PRUNE2: variants seen among roughly 807,000 people sequenced by gnomAD.
PRUNE2 encodes the protein prune homolog 2 with BCH domain, also known as protein prune homolog 2.
In PRUNE2, 164 loss-of-function variants were observed where a neutral mutation model predicts 252.0. The observed-to-expected ratio is 0.65, with a 90% CI of 0.57 to 0.74. The LOEUF is 0.74. PRUNE2 is among the 30% of genes least tolerant of loss of function. PRUNE2 has a pLI of 0.00. For synonymous variants in PRUNE2, 1,292 were observed against 1,350.2 expected (o/e 0.96, Z 0.94); for missense variants, 3,495 against 3,711.0 (o/e 0.94, Z 1.51).
At chr9:76,726,431 T>G (rs1342120041) in intron 6 of PRUNE2, among the ~76,000 whole-genome samples, 1 of 152,154 alleles carries the variant, frequency 6.6e-6, no homozygotes, top group Non-Finnish European at 1.5e-5. Flanking sequence ...ACATGCACAC[T>G]CATCAGATAC....
At chr9:76,623,298 A>AT (rs756782306) in intron 17 of PRUNE2, among the ~76,000 whole-genome samples, 9,158 of 144,074 alleles carry the variant, frequency 0.064, 803 homozygotes, top group African/African-American at 0.2. Context: ...GAATGACTGG[A>AT]TTTTTTTTTT....
chr9:76,797,804 G>A (rs1200500233), intron 6 of PRUNE2, among the ~76,000 whole-genome samples: 1 of 151,974 alleles, frequency 6.6e-6, no homozygotes, highest in East Asian at 1.9e-4. Flanking sequence ...GTATCCATCC[G>A]GTGTTTTAAA....
At chr9:76,824,289 G>C (rs948301222) in intron 5 of PRUNE2, among the ~76,000 whole-genome samples, 1 of 152,196 alleles carries the variant, frequency 6.6e-6, no homozygotes, top group Non-Finnish European at 1.5e-5. Context: ...GAATAAAAGG[G>C]TGGCGGTGGA....
intron 6 of PRUNE2, chr9:76,785,019 C>T (rs1589221947): frequency 1.3e-5 from 2 of 152,198 alleles, no homozygotes; most frequent in East Asian, 3.9e-4. Flanking sequence ...TTATCCCTCC[C>T]CTTTGTTTGA....
intron 1 of PRUNE2, among the ~76,000 whole-genome samples, chr9:76,869,895 A>C (rs569074953): frequency 6.6e-6 from 1 of 152,176 alleles, no homozygotes; most frequent in Non-Finnish European, 1.5e-5. Flanking sequence ...GAGCCCCTCA[A>C]TTGGAAAATT....
At chr9:76,661,080 T>G (rs1236708012) in intron 9 of PRUNE2, among the ~76,000 whole-genome samples, 1 of 152,174 alleles carries the variant, frequency 6.6e-6, no homozygotes. Flanking sequence ...GTTAAACCAC[T>G]GAGATTTGGG....
At chr9:76,684,300 G>T (rs2043828604) in intron 9 of PRUNE2, among the ~76,000 whole-genome samples, 1 of 152,048 alleles carries the variant, frequency 6.6e-6, no homozygotes, top group South Asian at 2.1e-4. Context: ...CGAGTCTGAG[G>T]CTACTTTTTG....
chr9:76,753,856 T>A (rs1375778243), intron 6 of PRUNE2, among the ~76,000 whole-genome samples: 2 of 131,604 alleles, frequency 1.5e-5, no homozygotes, highest in African/African-American at 5.4e-5. Context: ...AGACGGAGCT[T>A]GCAGTGAGCT....
intron 6 of PRUNE2, among the ~76,000 whole-genome samples, chr9:76,744,854 C>G (rs1318689224): frequency 2.0e-5 from 3 of 152,180 alleles, no homozygotes; most frequent in African/African-American, 4.8e-5. Flanking sequence ...CTGCAGGTAG[C>G]AGACCAAAGG....
At chr9:76,745,501 A>G (rs544549744) in intron 6 of PRUNE2, among the ~76,000 whole-genome samples, 1 of 152,100 alleles carries the variant, frequency 6.6e-6, no homozygotes, top group South Asian at 2.1e-4. Context: ...GGACCTGCCA[A>G]CCACTCCTGT....
chr9:76,837,720 A>G (rs1173703454), intron 4 of PRUNE2, among the ~76,000 whole-genome samples: 1 of 151,870 alleles, frequency 6.6e-6, no homozygotes, highest in Non-Finnish European at 1.5e-5. Context: ...ATCATATTTT[A>G]ATTTTTTCAT....
chr9:76,645,512 G>GAAAC lies in PRUNE2; in HGVS notation c.8558-607_8558-604dup, dbSNP rs566956752. Among the ~76,000 whole-genome samples the GAAAC allele has an allele frequency of 8.1e-3, 1,230 of 152,126 alleles. 6 individuals are homozygous for GAAAC. Among genetic ancestry groups the GAAAC allele is most frequent in the Middle Eastern group, 0.014 (4 of 294 alleles). On this transcript the variant is annotated intron_variant, in intron 11 of 18. Coordinates refer to ENST00000376718, the MANE Select transcript of PRUNE2 (RefSeq NM_015225.3). Reference sequence around the variant, plus strand: ...ATGCCACACCAAGACTTTATAGTGAGAAACAAACAACTTTGTAGACCAGAA... The same window carrying GAAAC: ...ATGCCACACCAAGACTTTATAGTGAGAAACAAACAAACAACTTTGTAGACCAGAA...
At chr9:76,834,675 G>C (rs2058855464) in intron 4 of PRUNE2, among the ~76,000 whole-genome samples, 1 of 152,170 alleles carries the variant, frequency 6.6e-6, no homozygotes. Flanking sequence ...TTATAGTTAA[G>C]TTTGATATGA....
At chr9:76,847,178 T>C (rs59279338) in intron 3 of PRUNE2, among the ~76,000 whole-genome samples, 9,544 of 151,882 alleles carry the variant, frequency 0.063, 356 homozygotes, top group East Asian at 0.15. Flanking sequence ...TACAAAAAAT[T>C]AGCCTGACGT....
intron 6 of PRUNE2, among the ~76,000 whole-genome samples, chr9:76,717,106 C>A (rs2047218966): frequency 6.6e-6 from 1 of 152,108 alleles, no homozygotes; most frequent in South Asian, 2.1e-4. Context: ...ACTGATAAAT[C>A]AAAAAACTAT....
In PRUNE2 at chr9:76,707,310, C is replaced by T. The variant is rs374348234; in HGVS notation, c.4964G>A (p.Ser1655Asn). 5.8e-5 allele frequency: 94 copies of T among 1,613,944 alleles called. No homozygotes were observed. The African/African-American group carries it at 1.1e-3, about 19-fold the overall frequency. Reference protein sequence around the residue: ...YSEHSGTHQESNLIASYQEKN... With the variant: ...YSEHSGTHQENNLIASYQEKN... ...CTCCTGGTAGCTAGCAATTAGATTG[C>T]TTTCCTGATGTGTCCCTGAATGTTC... The change falls in exon 8 of 19, where the codon AGC (serine) becomes AAC (asparagine). Residue 1655 changes from serine to asparagine, a missense_variant. Ser to Asn is a conservative substitution (Grantham distance 46, BLOSUM62 1). Transcript: ENST00000376718.
rs189683722 is a variant in PRUNE2, at chr9:76,905,888, C to G, written c.36+40G>C. 1.8e-5 allele frequency: 28 copies of G among 1,598,978 alleles called. No homozygotes were observed. The East Asian group carries it at 6.0e-4, about 34-fold the overall frequency. On this transcript the variant is annotated intron_variant, in intron 1 of 18. Coordinates refer to ENST00000376718, the MANE Select transcript of PRUNE2 (RefSeq NM_015225.3). Reference sequence around the variant, plus strand: ...TCCTCTCCACCTTTCCATTAGCATACGCGCGCGCGCACACACACAGCTTTG... The same window carrying G: ...TCCTCTCCACCTTTCCATTAGCATAGGCGCGCGCGCACACACACAGCTTTG...
chr9:76,864,041 T>C (rs2060699091), intron 1 of PRUNE2, among the ~76,000 whole-genome samples: 1 of 152,094 alleles, frequency 6.6e-6, no homozygotes, highest in South Asian at 2.1e-4. Context: ...GGAATCAATC[T>C]AGGTGCCCAT....
At chr9:76,804,938 T>G (rs182054810) in intron 6 of PRUNE2, among the ~76,000 whole-genome samples, 1 of 152,338 alleles carries the variant, frequency 6.6e-6, no homozygotes, top group East Asian at 1.9e-4. Flanking sequence ...TTTAATAAAA[T>G]GGGCTGGATA....
Sources: allele counts gnomAD v4.1 joint callset (sites outside exome capture counted in the v4.1 genomes callset), GRCh38; gene constraint gnomAD v4.1.1; transcripts MANE v1.5; gene names NCBI Gene and HGNC (gene_info 2026-07-23, HGNC 2026-07-21).